Variants in FBXL17 observed in about 807,000 individuals in gnomAD.
FBXL17 encodes F-box and leucine rich repeat protein 17.
FBXL17 carries 22 observed loss-of-function variants against 66.2 expected under a neutral mutation model. The ratio of observed to expected loss-of-function variants is 0.33; its 90% CI spans 0.24 to 0.47. The LOEUF is 0.47. Ranked by LOEUF, FBXL17 falls within the 20% of genes least tolerant of loss-of-function variation. The pLI is 1.00. For missense variants in FBXL17, 878 were observed against 948.2 expected, an observed-to-expected ratio of 0.93 and a Z score of 0.97; for synonymous variants, 474 against 400.5, an observed-to-expected ratio of 1.18 and a Z score of -2.19.
chr5:107,900,850 CAA>C (rs1486934061), intron 7 of FBXL17, among the ~76,000 whole-genome samples: 1 of 152,056 alleles, frequency 6.6e-6, no homozygotes, highest in Non-Finnish European at 1.5e-5. Flanking sequence ...AGAGAACTAA[CAA>C]AGTGCAATGT....
chr5:108,169,478 T>C (rs1157914361), intron 6 of FBXL17, among the ~76,000 whole-genome samples: 1 of 152,236 alleles, frequency 6.6e-6, no homozygotes, highest in Non-Finnish European at 1.5e-5. Flanking sequence ...GGGCATTGTC[T>C]TGACATATTT....
chr5:108,006,927 C>T (rs1047499195), intron 7 of FBXL17, among the ~76,000 whole-genome samples: 1 of 152,156 alleles, frequency 6.6e-6, no homozygotes, highest in Non-Finnish European at 1.5e-5. Flanking sequence ...GCATTCCAAA[C>T]CAACTTTTAA....
At chr5:108,356,769 T>A (rs938935202) in intron 3 of FBXL17, among the ~76,000 whole-genome samples, 35 of 152,088 alleles carry the variant, frequency 2.3e-4, no homozygotes, top group Admixed American at 9.8e-4. Context: ...TATATTTGTC[T>A]AAACTCATAG....
chr5:107,896,186 G>A (rs190695250), intron 7 of FBXL17, among the ~76,000 whole-genome samples: 19 of 152,162 alleles, frequency 1.2e-4, no homozygotes, highest in Admixed American at 3.9e-4. Flanking sequence ...GAAGTATCCC[G>A]CATCATTATT....
chr5:108,013,471 A>G (rs1036872861), intron 7 of FBXL17, among the ~76,000 whole-genome samples: 2 of 152,116 alleles, frequency 1.3e-5, no homozygotes, highest in Non-Finnish European at 2.9e-5. Context: ...TTCTACCTCA[A>G]ATGCCCTTCC....
At chr5:108,163,659 C>T (rs1205327034) in intron 6 of FBXL17, among the ~76,000 whole-genome samples, 1 of 152,048 alleles carries the variant, frequency 6.6e-6, no homozygotes, top group Non-Finnish European at 1.5e-5. Context: ...TCTAGGCCTC[C>T]CAAAGTGCTG....
intron 6 of FBXL17, among the ~76,000 whole-genome samples, chr5:108,082,795 T>C (rs2149920756): frequency 6.6e-6 from 1 of 152,322 alleles, no homozygotes; most frequent in Admixed American, 6.5e-5. Flanking sequence ...TTGAACAGAC[T>C]GAACTTTGCT....
At chr5:108,074,310 ATT>A (rs33988328) in intron 6 of FBXL17, among the ~76,000 whole-genome samples, 20,999 of 137,252 alleles carry the variant, frequency 0.15, 1,595 homozygotes, top group South Asian at 0.32. Context: ...ATTTGAAAAG[ATT>A]TTTTTTTTTT....
intron 7 of FBXL17, among the ~76,000 whole-genome samples, chr5:107,941,069 GAT>G (rs1372416988): frequency 6.6e-6 from 1 of 151,518 alleles, no homozygotes; most frequent in Non-Finnish European, 1.5e-5. Context: ...TTTCACCTAA[GAT>G]ATGATTCTAA....
chr5:107,936,897 G>C (rs1213631176), intron 7 of FBXL17, among the ~76,000 whole-genome samples: 1 of 151,902 alleles, frequency 6.6e-6, no homozygotes, highest in Non-Finnish European at 1.5e-5. Context: ...CCATAAACTT[G>C]TCTTTCACAC....
intron 6 of FBXL17, among the ~76,000 whole-genome samples, chr5:108,068,687 G>A (rs530719347): frequency 6.6e-6 from 1 of 152,032 alleles, no homozygotes; most frequent in South Asian, 2.1e-4. Context: ...TCGATCTCCT[G>A]ACCTCGTGAT....
intron 7 of FBXL17, among the ~76,000 whole-genome samples, chr5:107,890,374 G>A (rs1217316885): frequency 1.3e-5 from 2 of 151,092 alleles, no homozygotes; most frequent in African/African-American, 2.4e-5. Flanking sequence ...AAAAAAAACT[G>A]TCTGAAGCTG....
intron 3 of FBXL17, among the ~76,000 whole-genome samples, chr5:108,355,949 G>C (rs76267011): frequency 0.011 from 1,678 of 152,040 alleles, 47 homozygotes; most frequent in African/African-American, 0.038. Flanking sequence ...TGTCAAAATG[G>C]ATCAAAAAAC....
At chr5:108,235,383 C>T (rs979970363) in intron 4 of FBXL17, among the ~76,000 whole-genome samples, 15 of 152,176 alleles carry the variant, frequency 9.9e-5, no homozygotes, top group Admixed American at 9.2e-4. Context: ...CATCGTTATA[C>T]TAGCACTGTA....
intron 7 of FBXL17, among the ~76,000 whole-genome samples, chr5:108,013,241 G>T (rs1403476744): frequency 6.6e-6 from 1 of 152,040 alleles, no homozygotes; most frequent in Non-Finnish European, 1.5e-5. Context: ...AATGGAAGTT[G>T]TTACCATGGG....
intron 4 of FBXL17, among the ~76,000 whole-genome samples, chr5:108,328,494 T>C (rs1759966734): frequency 6.6e-6 from 1 of 151,950 alleles, no homozygotes; most frequent in Admixed American, 6.6e-5. Flanking sequence ...TTGTTTGTGA[T>C]GGGAAAAAAT....
chr5:107,975,089 A>C (rs1752527654), intron 7 of FBXL17, among the ~76,000 whole-genome samples: 1 of 152,196 alleles, frequency 6.6e-6, no homozygotes, highest in Non-Finnish European at 1.5e-5. Flanking sequence ...AAATAACTTG[A>C]GAAAGTTCTC....
intron 6 of FBXL17, among the ~76,000 whole-genome samples, chr5:108,083,222 C>G (rs867675892): frequency 0.024 from 3,114 of 127,422 alleles, 88 homozygotes; most frequent in African/African-American, 0.092. Flanking sequence ...CCTCAGAACA[C>G]ACACACACAC....
At chr5:108,373,217 T>TTATATTAATACAAATATATATCTAAA (rs1561562515) in intron 1 of FBXL17, among the ~76,000 whole-genome samples, 1 of 96,736 alleles carries the variant, frequency 1.0e-5, no homozygotes, top group African/African-American at 4.1e-5. Flanking sequence ...TCTAAATATA[T>TTATATTAATACAAATATATATCTAAA]TATATTAATA....
Sources: gnomAD v4.1 joint callset for allele counts (sites outside exome capture counted in the v4.1 genomes callset) on GRCh38, gnomAD v4.1.1 for gene constraint, MANE v1.5 for transcripts, NCBI Gene and HGNC (gene_info 2026-07-23, HGNC 2026-07-21) for gene names.